Variants in CADM2 observed in about 807,000 individuals in gnomAD.
CADM2 encodes the protein immunoglobulin superfamily member 4D.
CADM2 carries 12 observed loss-of-function variants against 49.8 expected under a neutral mutation model. That is an observed-to-expected ratio of 0.24 (90% CI 0.15 to 0.39). CADM2 has a LOEUF of 0.39. Among genes scored for constraint, CADM2 ranks in the 10% least tolerant of loss-of-function variants. CADM2 has a pLI of 1.00. For synonymous variants in CADM2, 214 were observed against 175.4 expected (o/e 1.22, Z -1.74); for missense variants, 378 against 492.3 (o/e 0.77, Z 2.20).
chr3:86,013,282 A>G lies in CADM2; in HGVS notation c.970+51635A>G, dbSNP rs1032634138. The G allele has an allele frequency of 3.5e-5, 53 of 1,527,744 alleles. No individual in the cohort carries two copies. The African/African-American group carries it at 6.2e-4, about 18-fold the overall frequency. The allele number at this position is 1,527,744 out of a possible 1,614,324, so 94.6% of individuals were successfully genotyped here. A position where few individuals can be genotyped will look rare whatever the true frequency, so the allele number is the denominator to read the frequency against. ...CCCAGTGAAGAAGAGGGTGAAGGGC[A>G]AGATGAGGACATTTTACCTCTATCC... is the stretch of plus-strand genomic sequence containing the variant. On this transcript the variant is annotated intron_variant, in intron 8 of 9. Transcript: ENST00000383699.
chr3:85,322,293 T>C (rs1281900610), intron 1 of CADM2, among the ~76,000 whole-genome samples: 1 of 152,222 alleles, frequency 6.6e-6, no homozygotes, highest in East Asian at 1.9e-4. Flanking sequence ...CTATTCTATT[T>C]TCCTCAAGAT....
intron 1 of CADM2, among the ~76,000 whole-genome samples, chr3:85,379,651 A>G (rs1256504373): frequency 6.6e-6 from 1 of 152,048 alleles, no homozygotes; most frequent in Non-Finnish European, 1.5e-5. Context: ...TTCAGTAATA[A>G]CAAGACACTC....
intron 1 of CADM2, among the ~76,000 whole-genome samples, chr3:85,456,763 A>G (rs1167555882): frequency 2.0e-5 from 3 of 151,990 alleles, no homozygotes; most frequent in Non-Finnish European, 4.4e-5. Context: ...AAGTTGATGC[A>G]TACAAAGTAG....
At chr3:85,013,468 C>T (rs1232149779) in intron 1 of CADM2, among the ~76,000 whole-genome samples, 1 of 151,674 alleles carries the variant, frequency 6.6e-6, no homozygotes, top group East Asian at 1.9e-4. Flanking sequence ...TTTATGAGAT[C>T]TAAGGAGAAA....
chr3:84,967,085 T>C (rs1266933950), intron 1 of CADM2, among the ~76,000 whole-genome samples: 2 of 152,116 alleles, frequency 1.3e-5, no homozygotes, highest in Non-Finnish European at 2.9e-5. Context: ...ACATTGCTTA[T>C]CTAAAGTTGT....
intron 1 of CADM2, among the ~76,000 whole-genome samples, chr3:85,440,680 T>A (rs1422202476): frequency 6.6e-6 from 1 of 152,106 alleles, no homozygotes; most frequent in Admixed American, 6.6e-5. Context: ...TACAATGACA[T>A]TGTATAACAT....
At chr3:85,931,887 T>C (rs567381239) in intron 6 of CADM2, among the ~76,000 whole-genome samples, 2 of 151,404 alleles carry the variant, frequency 1.3e-5, no homozygotes, top group South Asian at 4.1e-4. Flanking sequence ...TTAAAATTAT[T>C]TTAAATTTTT....
chr3:85,301,135 G>A (rs1466722987), intron 1 of CADM2, among the ~76,000 whole-genome samples: 1 of 152,020 alleles, frequency 6.6e-6, no homozygotes, highest in Non-Finnish European at 1.5e-5. Context: ...ATACAACGTA[G>A]CCTAGATTAC....
At chr3:84,992,454 C>T (rs1011088687) in intron 1 of CADM2, among the ~76,000 whole-genome samples, 3 of 152,082 alleles carry the variant, frequency 2.0e-5, no homozygotes, top group Non-Finnish European at 4.4e-5. Context: ...TGTGGTGAAA[C>T]GCTGTCTCTA....
chr3:85,605,155 A>C (rs981243667), intron 1 of CADM2, among the ~76,000 whole-genome samples: 10 of 152,028 alleles, frequency 6.6e-5, no homozygotes, highest in African/African-American at 2.4e-4. Context: ...TACCAGTAAT[A>C]TGTGTATAGA....
chr3:85,744,385 A>G (rs1052468922), intron 2 of CADM2, among the ~76,000 whole-genome samples: 2 of 152,182 alleles, frequency 1.3e-5, no homozygotes, highest in African/African-American at 4.8e-5. Context: ...TTGTAACACT[A>G]TGGATAAATG....
intron 1 of CADM2, among the ~76,000 whole-genome samples, chr3:85,285,448 G>T (rs1043409838): frequency 6.6e-6 from 1 of 151,998 alleles, no homozygotes; most frequent in African/African-American, 2.4e-5. Flanking sequence ...GATGAAGGAA[G>T]TTATCTGGAT....
In CADM2 at chr3:85,699,390, G is replaced by T. The variant is rs535600610; in HGVS notation, c.62-27132G>T. The stretch of plus-strand genomic sequence containing the variant: ...CAACCCCACATTTCCTCTCCACACT[G>T]CCCTAGTAGAGATTCCCCGTGAGGT... On this transcript the variant is annotated intron_variant, in intron 1 of 9. Coordinates refer to ENST00000383699, the MANE Select transcript of CADM2 (RefSeq NM_001167675.2). 4.6e-4 allele frequency among the ~76,000 whole-genome samples: 70 copies of T among 152,282 alleles called. 1 individual carries two copies. Among genetic ancestry groups the T allele is most frequent in the African/African-American group, 1.6e-3 (68 of 41,576 alleles).
At chr3:85,238,336 C>T (rs2107829613) in intron 1 of CADM2, among the ~76,000 whole-genome samples, 1 of 151,934 alleles carries the variant, frequency 6.6e-6, no homozygotes, top group African/African-American at 2.4e-5. Flanking sequence ...CTTCTTATGT[C>T]AACTTTTCTA....
chr3:85,630,232 C>G (rs1467287039), intron 1 of CADM2, among the ~76,000 whole-genome samples: 3 of 151,824 alleles, frequency 2.0e-5, no homozygotes, highest in Non-Finnish European at 4.4e-5. Flanking sequence ...CTTTTTTTAT[C>G]TCACCCCAGG....
chr3:85,770,598 T>A (rs557797094), intron 2 of CADM2, among the ~76,000 whole-genome samples: 48 of 152,128 alleles, frequency 3.2e-4, no homozygotes, highest in Admixed American at 4.6e-4. Context: ...AATATCCAAA[T>A]GCAATGATGT....
chr3:85,486,634 G>A (rs1176777462), intron 1 of CADM2, among the ~76,000 whole-genome samples: 1 of 151,948 alleles, frequency 6.6e-6, no homozygotes, highest in Non-Finnish European at 1.5e-5. Flanking sequence ...TTTTCCAATG[G>A]ATTCTATTAT....
At chr3:85,807,499 C>CAAAAAA (rs60644652) in intron 3 of CADM2, among the ~76,000 whole-genome samples, 2 of 82,232 alleles carry the variant, frequency 2.4e-5, no homozygotes, top group African/African-American at 3.7e-5. Flanking sequence ...AACTCCGTCT[C>CAAAAAA]AAAAAAAAAA....
At chr3:85,265,671 A>C (rs1331549905) in intron 1 of CADM2, among the ~76,000 whole-genome samples, 1 of 151,408 alleles carries the variant, frequency 6.6e-6, no homozygotes, top group African/African-American at 2.4e-5. Flanking sequence ...CAACACATGA[A>C]CTTTGGGGGA....
Sources: gnomAD v4.1 joint callset for allele counts (sites outside exome capture counted in the v4.1 genomes callset) on GRCh38, gnomAD v4.1.1 for gene constraint, MANE v1.5 for transcripts, NCBI Gene and HGNC (gene_info 2026-07-23, HGNC 2026-07-21) for gene names.